The following CSMD1 variants were observed in gnomAD, a reference collection of about 807,000 sequenced individuals.
CSMD1 encodes CUB and sushi domain-containing protein 1.
CSMD1 carries 213 observed loss-of-function variants against 417.5 expected under a neutral mutation model. The ratio of observed to expected loss-of-function variants is 0.51; its 90% CI spans 0.46 to 0.57. The LOEUF (loss-of-function observed/expected upper bound fraction) is 0.57. CSMD1 is among the 20% of genes least tolerant of loss of function. CSMD1 has a pLI of 0.00. For synonymous variants in CSMD1, 2,862 were observed against 1,736.8 expected, an observed-to-expected ratio of 1.65 and a Z score of -16.11; for missense variants, 6,923 against 4,529.7, an observed-to-expected ratio of 1.53 and a Z score of -15.17.
At chr8:3,841,564 G>A (rs552451787) in intron 5 of CSMD1, among the ~76,000 whole-genome samples, 2 of 152,036 alleles carry the variant, frequency 1.3e-5, no homozygotes, top group South Asian at 2.1e-4. Context: ...CAATTAAATT[G>A]TTTATCACAA....
intron 4 of CSMD1, among the ~76,000 whole-genome samples, chr8:4,000,976 A>C (rs570905009): frequency 3.3e-4 from 50 of 152,238 alleles, no homozygotes; most frequent in Middle Eastern, 3.4e-3. Context: ...CCAACTGCTG[A>C]AACTACATAC....
At chr8:4,596,309 G>C (rs999635003) in intron 2 of CSMD1, among the ~76,000 whole-genome samples, 3 of 152,130 alleles carry the variant, frequency 2.0e-5, no homozygotes, top group South Asian at 4.1e-4. Flanking sequence ...CAAGCTTCAA[G>C]ATTAGATTTA....
intron 11 of CSMD1, among the ~76,000 whole-genome samples, chr8:3,484,154 G>C (rs536834891): frequency 2.0e-5 from 3 of 152,164 alleles, no homozygotes; most frequent in Non-Finnish European, 4.4e-5. Context: ...ACAATAAAGT[G>C]AGAAACATCA....
chr8:4,753,933 G>A (rs942376101), intron 1 of CSMD1, among the ~76,000 whole-genome samples: 61 of 152,210 alleles, frequency 4.0e-4, no homozygotes, highest in African/African-American at 1.4e-3. Flanking sequence ...CATGCGAGAT[G>A]CTTTATGTGC....
intron 3 of CSMD1, among the ~76,000 whole-genome samples, chr8:4,090,455 G>A (rs758638990): frequency 6.6e-6 from 1 of 152,086 alleles, no homozygotes; most frequent in East Asian, 1.9e-4. Flanking sequence ...GAAAATACAT[G>A]GGAAGGTTTT....
intron 1 of CSMD1, among the ~76,000 whole-genome samples, chr8:4,863,577 A>G (rs1008672084): frequency 1.4e-4 from 21 of 151,944 alleles, no homozygotes; most frequent in Non-Finnish European, 2.5e-4. Context: ...TTTAGCAACA[A>G]TTTTGCACAA....
At chr8:4,441,289 G>C (rs1299459102) in intron 2 of CSMD1, among the ~76,000 whole-genome samples, 1 of 143,368 alleles carries the variant, frequency 7.0e-6, no homozygotes, top group African/African-American at 2.6e-5. Context: ...TTTTGGTGGG[G>C]GGAGTAGAGA....
At chr8:3,536,115 A>T (rs1003475128) in intron 10 of CSMD1, among the ~76,000 whole-genome samples, 1 of 152,228 alleles carries the variant, frequency 6.6e-6, no homozygotes, top group African/African-American at 2.4e-5. Context: ...CATTGTTTTT[A>T]TGATACCAAG....
rs559827741 is a variant in CSMD1 at position 4,185,007 on chromosome 8, T to G, written c.416-152908A>C. 2.6e-5 allele frequency among the ~76,000 whole-genome samples: 4 copies of G among 151,216 alleles called. No homozygotes were observed. The South Asian group carries it at 8.4e-4, about 32-fold the overall frequency. On this transcript the variant is annotated intron_variant, in intron 3 of 69. Coordinates refer to ENST00000635120, the MANE Select transcript of CSMD1 (RefSeq NM_033225.6). ...TACAAAAATTAGCTGGGCCTGGTGG[T>G]GGGTGCCTTTAATCCCAGCTACTTG...
chr8:4,188,264 A>T (rs1798801104), intron 3 of CSMD1, among the ~76,000 whole-genome samples: 1 of 152,200 alleles, frequency 6.6e-6, no homozygotes, highest in African/African-American at 2.4e-5. Flanking sequence ...TTTGGAGGCC[A>T]CGCTTGCCCT....
intron 37 of CSMD1, among the ~76,000 whole-genome samples, chr8:3,169,691 G>A (rs964082718): frequency 1.3e-5 from 2 of 151,522 alleles, no homozygotes; most frequent in Non-Finnish European, 2.9e-5. Flanking sequence ...AAAGGACTGA[G>A]GAGCCCGCTG....
intron 3 of CSMD1, among the ~76,000 whole-genome samples, chr8:4,207,040 C>G (rs1800020216): frequency 6.6e-6 from 1 of 152,096 alleles, no homozygotes; most frequent in East Asian, 1.9e-4. Flanking sequence ...ATGTGTATAC[C>G]TATTTTTCTA....
chr8:4,391,672 A>AC (rs1186615790), intron 3 of CSMD1, among the ~76,000 whole-genome samples: 1 of 152,130 alleles, frequency 6.6e-6, no homozygotes, highest in East Asian at 1.9e-4. Flanking sequence ...AAGACGGCTT[A>AC]CTTCCACTTA....
chr8:4,873,385 A>T (rs889667660), intron 1 of CSMD1, among the ~76,000 whole-genome samples: 3 of 152,116 alleles, frequency 2.0e-5, no homozygotes, highest in African/African-American at 7.3e-5. Context: ...GATAGAGGAG[A>T]GACTCCCGGA....
intron 12 of CSMD1, among the ~76,000 whole-genome samples, chr8:3,437,133 G>C (rs534726811): frequency 6.6e-6 from 1 of 152,092 alleles, no homozygotes; most frequent in Non-Finnish European, 1.5e-5. Flanking sequence ...CCTCCTGGTA[G>C]GGAGGGAAAA....
chr8:3,828,814 C>A (rs1802204811), intron 5 of CSMD1, among the ~76,000 whole-genome samples: 3 of 152,218 alleles, frequency 2.0e-5, no homozygotes, highest in Admixed American at 2.0e-4. Flanking sequence ...GTTACAGCCT[C>A]ATGCCTCACT....
chr8:4,598,300 C>A (rs1025880068), intron 2 of CSMD1, among the ~76,000 whole-genome samples: 4 of 152,090 alleles, frequency 2.6e-5, no homozygotes, highest in Non-Finnish European at 5.9e-5. Context: ...ATTTGAATTA[C>A]GAATACTATG....
At chr8:3,406,416 C>T (rs1409071639) in intron 14 of CSMD1, among the ~76,000 whole-genome samples, 195 bp from the exon 15 acceptor site, 2 of 151,988 alleles carry the variant, frequency 1.3e-5, no homozygotes, top group African/African-American at 4.8e-5. Flanking sequence ...AAAGAGCGAG[C>T]AGGGAGATGA....
chr8:4,286,751 T>C (rs548368803), intron 3 of CSMD1, among the ~76,000 whole-genome samples: 3 of 152,204 alleles, frequency 2.0e-5, no homozygotes, highest in African/African-American at 4.8e-5. Flanking sequence ...TGATGCTTGA[T>C]AAATATTAGT....
Sources: gnomAD v4.1 joint callset for allele counts (sites outside exome capture counted in the v4.1 genomes callset) on GRCh38, gnomAD v4.1.1 for gene constraint, MANE v1.5 for transcripts, NCBI Gene and HGNC (gene_info 2026-07-23, HGNC 2026-07-21) for gene names.